Variants in PRAME observed in about 807,000 individuals in gnomAD.
The protein encoded by PRAME is PRAME nuclear receptor transcriptional regulator.
In PRAME, 21 loss-of-function variants were observed where a neutral mutation model predicts 32.1. The ratio of observed to expected loss-of-function variants is 0.65; its 90% CI spans 0.46 to 0.94. The LOEUF (loss-of-function observed/expected upper bound fraction) is 0.94. Among genes scored for constraint, PRAME ranks in the 40% least tolerant of loss-of-function variants. The probability of loss-of-function intolerance (pLI) is 0.00; values close to 1 mark genes in which losing one functional copy is unlikely to be tolerated. For synonymous variants in PRAME, 274 were observed against 251.5 expected (o/e 1.09, Z -0.85); for missense variants, 651 against 622.3 (o/e 1.05, Z -0.49).
rs372834019 is a variant in PRAME, at chr22:22,550,210, T to G, written c.469A>C (p.Lys157Gln). 65 of 1,613,700 alleles carry G rather than the reference T, an allele frequency of 4.0e-5. No individual in the cohort carries two copies. The highest frequency in any genetic ancestry group is 5.3e-5 in the Non-Finnish European group (63 of 1,179,970). ...CTCAAACCATCTACTTTTCGCTTCT[T>G]TGTCATGGGCTGAGCTGCTTCTGGC... ...PEPEAAQPMT[K>Q]KRKVDGLSTE... is the part of the protein sequence containing the mutation. The change falls in exon 5 of 6, where the codon AAG becomes CAG. Residue 157 changes from lysine to glutamine, a missense_variant. Transcript: ENST00000405655.
chr22:22,550,734 G>C (rs757315377), intron 4 of PRAME, 33 bp downstream of exon 4: 5 of 1,539,566 alleles, frequency 3.2e-6, no homozygotes, highest in Non-Finnish European at 4.4e-6. Context: ...CAGGTTCCCA[G>C]GGCCCCACAC....
At chr22:22,556,680 A>T in intron 3 of PRAME, 132 bp downstream of exon 3, 1 of 1,105,114 alleles carries the variant, frequency 9.0e-7, no homozygotes, top group Non-Finnish European at 1.4e-6. Flanking sequence ...ACCAGAAACA[A>T]TAAAAGCGGC....
chr22:22,554,803 A>G (rs2147028631), intron 3 of PRAME, among the ~76,000 whole-genome samples: 1 of 152,090 alleles, frequency 6.6e-6, no homozygotes, highest in Middle Eastern at 3.5e-3. Flanking sequence ...CACATAAACC[A>G]TGGAAAAACA....
chr22:22,555,800 C>T (rs1337446423), intron 3 of PRAME: 1 of 455,090 alleles, frequency 2.2e-6, no homozygotes, highest in Admixed American at 2.4e-5. Context: ...TGAGGCAGTG[C>T]AATCTTGTTG....
chr22:22,550,298 G>A lies in PRAME; in HGVS notation c.381C>T (p.Asn127=), dbSNP rs41277509. ...ATACAGTCCAGAAGTCCTGATGAGA[G>A]TTCTTCCGTAAATCCAGCACTTGAA... The part of the protein sequence containing the change: ...WKLQVLDLRK[N]SHQDFWTVWS... The change falls in exon 5 of 6, where the codon AAC becomes AAT. Residue 127 remains asparagine, a synonymous_variant. Coordinates refer to ENST00000405655, the MANE Select transcript of PRAME (RefSeq NM_206956.3). 1.6e-3 allele frequency: 2,628 copies of A among 1,613,174 alleles called. 2 individuals are homozygous for A. Among genetic ancestry groups the A allele is most frequent in the Non-Finnish European group, 2.0e-3 (2,387 of 1,179,794 alleles).
Position 22,551,027 on chromosome 22 carries a change from C to G in PRAME, c.84G>C (p.Glu28Asp), listed in dbSNP as rs1285012575. 2 of 1,610,202 alleles carry G rather than the reference C, an allele frequency of 1.2e-6. No individual in the cohort carries two copies. Among genetic ancestry groups the G allele is most frequent in the Non-Finnish European group, 1.7e-6 (2 of 1,177,524 alleles). Residue 28 changes from glutamate (E) to aspartate (D), a missense_variant, in exon 4 of 6, where the codon GAG becomes GAC. Coordinates refer to ENST00000405655, the MANE Select transcript of PRAME (RefSeq NM_206956.3). Reference sequence around the variant, plus strand: ...CCTTCAGCAGGCTCTGCCCTGCCAGCTCCACAAGTCTCCGTGGGCTTGTCC... The same window carrying G: ...CCTTCAGCAGGCTCTGCCCTGCCAGGTCCACAAGTCTCCGTGGGCTTGTCC... ...SVWTSPRRLV[E>D]LAGQSLLKDE...
chr22:22,549,754 G>A lies in PRAME; in HGVS notation c.925C>T (p.Leu309Phe), dbSNP rs1284873723. 4.4e-6 allele frequency: 7 copies of A among 1,608,370 alleles called. No individual in the cohort carries two copies. The highest frequency in any genetic ancestry group is 2.2e-5 in the East Asian group (1 of 44,752). Reference sequence around the variant, plus strand: ...AGCAACTGATCCAGGCGGCCTCTAAGGAAAAATAAAGAGTCCACATAGAGA... The same window carrying A: ...AGCAACTGATCCAGGCGGCCTCTAAAGAAAAATAAAGAGTCCACATAGAGA... ...QALYVDSLFFLRGRLDQLLRH... is the reference protein window; with the variant it reads ...QALYVDSLFFFRGRLDQLLRH... The change falls in exon 5 of 6, where the codon CTT (leucine) becomes TTT (phenylalanine). Residue 309 changes from leucine (L) to phenylalanine (F), a missense_variant. Transcript: ENST00000405655.
Position 22,548,621 on chromosome 22 carries a change from T to C in PRAME, c.976A>G (p.Thr326Ala). The change falls in exon 6 of 6, where the codon ACC (threonine) becomes GCC (alanine). Residue 326 changes from threonine to alanine, a missense_variant. By Grantham distance (58) the Thr-to-Ala change is moderately conservative (BLOSUM62 0). Transcript: ENST00000405655. ...LLRHVMNPLETLSITNCRLSE... is the reference protein window; with the variant it reads ...LLRHVMNPLEALSITNCRLSE... ...AGCCGGCAGTTAGTTATTGAGAGGG[T>C]TTCCAAGGGGTTCATCACGTGCCTG... 1 of 1,603,686 alleles carries C rather than the reference T, an allele frequency of 6.2e-7. No individual in the cohort carries two copies. Among genetic ancestry groups the C allele is most frequent in the Non-Finnish European group, 8.5e-7 (1 of 1,178,868 alleles).
Position 22,548,007 on chromosome 22 carries a change from T to A in PRAME, c.*60A>T, listed in dbSNP as rs1179177497. The A allele has an allele frequency of 6.6e-6, 10 of 1,509,272 alleles. No individual in the cohort carries two copies. The East Asian group carries it at 2.3e-4, about 34-fold the overall frequency. 93.5% of individuals were successfully genotyped at this position (1,509,272 alleles called of 1,614,324 possible). A position where few individuals can be genotyped will look rare whatever the true frequency, so the allele number is the denominator to read the frequency against. ...GGCTGCTTTGTTGCTTCAAGATGCATGCACATCCTGGCTTTAGTGTCCAAG... is the reference window on the plus strand; with the variant it reads ...GGCTGCTTTGTTGCTTCAAGATGCAAGCACATCCTGGCTTTAGTGTCCAAG... On this transcript the variant is annotated 3_prime_UTR_variant, in exon 6 of 6. Transcript: ENST00000405655.
Position 22,550,098 on chromosome 22 carries a change from T to C in PRAME, c.581A>G (p.Tyr194Cys), listed in dbSNP as rs1569217345. 6.2e-7 allele frequency: 1 copy of C among 1,613,898 alleles called. No homozygotes were observed. The highest frequency in any genetic ancestry group is 1.1e-5 in the South Asian group (1 of 91,066). ...KEGACDELFS[Y>C]LIEKVKRKKN... ...CTTTCGCTTCACTTTCTCAATGAGG[T>C]AGGAGAACAATTCATCACAGGCACC... Residue 194 changes from tyrosine (Y) to cysteine (C), a missense_variant, in exon 5 of 6, where the codon TAC becomes TGC. By Grantham distance (194) the Tyr-to-Cys change is radical. Transcript: ENST00000405655.
chr22:22,548,384 A>G lies in PRAME; in HGVS notation c.1213T>C (p.Cys405Arg). 6.2e-7 allele frequency: 1 copy of G among 1,613,514 alleles called. No individual in the cohort carries two copies. The highest frequency in any genetic ancestry group is 1.3e-5 in the African/African-American group (1 of 74,978). Residue 405 changes from cysteine to arginine, a missense_variant, in exon 6 of 6, where the codon TGC becomes CGC. Transcript: ENST00000405655. The part of the protein sequence containing the change: ...LLALLPSLSH[C>R]SQLTTLSFYG... Reference sequence around the variant, plus strand: ...AAGCTTAAGGTCGTAAGCTGGGAGCAGTGGCTCAGGGAAGGCAGGAGGGCA... The same window carrying G: ...AAGCTTAAGGTCGTAAGCTGGGAGCGGTGGCTCAGGGAAGGCAGGAGGGCA...
In PRAME at chr22:22,550,103, G is replaced by A. The variant is rs558928895; in HGVS notation, c.576C>T (p.Phe192=). ...FLKEGACDEL[F]SYLIEKVKRK... is the part of the protein sequence containing the mutation. ...GCTTCACTTTCTCAATGAGGTAGGA[G>A]AACAATTCATCACAGGCACCTTCCT... The change falls in exon 5 of 6, where the codon TTC becomes TTT. Residue 192 remains phenylalanine, a synonymous_variant. Coordinates refer to ENST00000405655, the MANE Select transcript of PRAME (RefSeq NM_206956.3). 1.2e-6 allele frequency: 2 copies of A among 1,613,890 alleles called. No homozygotes were observed. The highest frequency in any genetic ancestry group is 1.7e-6 in the Non-Finnish European group (2 of 1,179,964).
chr22:22,555,892 C>T (rs2062878911), intron 3 of PRAME: 1 of 470,842 alleles, frequency 2.1e-6, no homozygotes. Context: ...AGCTCATACT[C>T]TCTGACACCA....
intron 5 of PRAME, 128 bp downstream of exon 5, chr22:22,549,598 G>C: frequency 8.1e-7 from 1 of 1,227,224 alleles, no homozygotes; most frequent in Non-Finnish European, 1.1e-6. Flanking sequence ...TGAACAAGAC[G>C]TGTTAACTGG....
chr22:22,549,932 C>G lies in PRAME; in HGVS notation c.747G>C (p.Leu249Phe), dbSNP rs2062468208. The change falls in exon 5 of 6, where the codon TTG becomes TTC. Residue 249 changes from leucine to phenylalanine, a missense_variant. Physicochemically the swap from Leu to Phe is conservative, Grantham distance 22 (BLOSUM62 0). Transcript: ENST00000405655. ...EVTCTWKLPTLAKFSPYLGQM... is the reference protein window; with the variant it reads ...EVTCTWKLPTFAKFSPYLGQM... ...GGCCCAGGTAAGGAGAAAATTTCGC[C>G]AAGGTGGGTAGCTTCCAGGTACAAG... The G allele has an allele frequency of 6.2e-7, 1 of 1,613,672 alleles. No homozygotes were observed. The highest frequency in any genetic ancestry group is 1.7e-5 in the Admixed American group (1 of 59,954).
chr22:22,554,798 A>C (rs1243511200), intron 3 of PRAME, among the ~76,000 whole-genome samples: 1 of 152,002 alleles, frequency 6.6e-6, no homozygotes, highest in Non-Finnish European at 1.5e-5. Flanking sequence ...AGCTTCACAT[A>C]AACCATGGAA....
Position 22,550,206 on chromosome 22 carries a change from T to C in PRAME, c.473A>G (p.Lys158Arg). 1 of 1,613,806 alleles carries C rather than the reference T, an allele frequency of 6.2e-7. No homozygotes were observed. Among genetic ancestry groups the C allele is most frequent in the South Asian group, 1.1e-5 (1 of 91,072 alleles). The change falls in exon 5 of 6, where the codon AAG becomes AGG. Residue 158 changes from lysine to arginine, a missense_variant. By Grantham distance (26) the Lys-to-Arg change is conservative (BLOSUM62 2). Transcript: ENST00000405655. ...TGTGCTCAAACCATCTACTTTTCGCTTCTTTGTCATGGGCTGAGCTGCTTC... is the reference window on the plus strand; with the variant it reads ...TGTGCTCAAACCATCTACTTTTCGCCTCTTTGTCATGGGCTGAGCTGCTTC... ...EPEAAQPMTK[K>R]RKVDGLSTEA...
At position 22,548,569 on chromosome 22, in the gene PRAME, G is replaced by C; in HGVS notation, c.1028C>G (p.Ser343Cys). 6.2e-7 allele frequency: 1 copy of C among 1,613,024 alleles called. No individual in the cohort carries two copies. Among genetic ancestry groups the C allele is most frequent in the Non-Finnish European group, 8.5e-7 (1 of 1,179,918 alleles). ...RLSEGDVMHL[S>C]QSPSVSQLSV... ...TAGCTGACTGACGCTGGGACTCTGG[G>C]ACAGATGCATCACATCCCCTTCCGA... The change falls in exon 6 of 6, where the codon TCC becomes TGC. Residue 343 changes from serine (S) to cysteine (C), a missense_variant. Coordinates refer to ENST00000405655, the MANE Select transcript of PRAME (RefSeq NM_206956.3).
intron 1 of PRAME, among the ~76,000 whole-genome samples, chr22:22,558,672 A>G (rs1402839783): frequency 1.7e-4 from 10 of 60,038 alleles, no homozygotes; most frequent in East Asian, 3.9e-4. Context: ...GGGCGAATGG[A>G]GAGGCAGTGG....
Sources: allele counts gnomAD v4.1 joint callset (sites outside exome capture counted in the v4.1 genomes callset), GRCh38; gene constraint gnomAD v4.1.1; transcripts MANE v1.5; gene names NCBI Gene and HGNC (gene_info 2026-07-23, HGNC 2026-07-21).